METTL16: variants seen among roughly 807,000 people sequenced by gnomAD.
The protein encoded by METTL16 is methyltransferase 16, RNA N6-adenosine, also known as RNA N(6)-adenosine-methyltransferase METTL16.
METTL16 carries 19 observed loss-of-function variants against 57.9 expected under a neutral mutation model. The observed-to-expected ratio is 0.33, with a 90% CI of 0.23 to 0.48. The LOEUF (loss-of-function observed/expected upper bound fraction) is 0.48, where lower values mean the gene tolerates loss of function less well. Ranked by LOEUF, METTL16 falls within the 20% of genes least tolerant of loss-of-function variation. The pLI, the probability that METTL16 is intolerant of heterozygous loss-of-function variation, is 0.99. For synonymous variants in METTL16, 246 were observed against 255.6 expected, an observed-to-expected ratio of 0.96 and a Z score of 0.36; for missense variants, 434 against 691.5, an observed-to-expected ratio of 0.63 and a Z score of 4.18.
chr17:2,495,161 G>A (rs756683392), intron 2 of METTL16, among the ~76,000 whole-genome samples: 33 of 151,676 alleles, frequency 2.2e-4, no homozygotes, highest in Non-Finnish European at 3.7e-4. Context: ...ACCAGATGGG[G>A]TGAAACAACA....
intron 6 of METTL16, among the ~76,000 whole-genome samples, chr17:2,463,611 A>ATGTG (rs1567894727): frequency 1.3e-5 from 2 of 151,694 alleles, no homozygotes; most frequent in Admixed American, 6.6e-5. Flanking sequence ...ACAGGCACCC[A>ATGTG]CCACCACACC....
At chr17:2,476,214 C>A (rs1173055997) in intron 3 of METTL16, among the ~76,000 whole-genome samples, 1 of 152,106 alleles carries the variant, frequency 6.6e-6, no homozygotes, top group African/African-American at 2.4e-5. Flanking sequence ...TTGGACATAG[C>A]AAGTCTGAGA....
chr17:2,463,249 T>C (rs1239972390), intron 6 of METTL16, among the ~76,000 whole-genome samples: 1 of 152,220 alleles, frequency 6.6e-6, no homozygotes, highest in Non-Finnish European at 1.5e-5. Flanking sequence ...TGAACCCATC[T>C]GTTTTCTAAT....
chr17:2,421,129 G>A (rs2066762649), intron 8 of METTL16, among the ~76,000 whole-genome samples: 1 of 152,174 alleles, frequency 6.6e-6, no homozygotes, highest in Non-Finnish European at 1.5e-5. Context: ...CATGGCAGGA[G>A]CATCACTTGA....
chr17:2,441,706 G>A (rs971797441), intron 6 of METTL16, 147 bp from the exon 7 acceptor site: 7 of 453,442 alleles, frequency 1.5e-5, no homozygotes, highest in African/African-American at 1.2e-4. Context: ...TACATACAAT[G>A]TATTTCGACA....
At chr17:2,473,993 C>T (rs548000788) in intron 3 of METTL16, among the ~76,000 whole-genome samples, 1 of 152,204 alleles carries the variant, frequency 6.6e-6, no homozygotes, top group South Asian at 2.1e-4. Context: ...CTACTGGGTT[C>T]CCTAGTCATT....
intron 8 of METTL16, among the ~76,000 whole-genome samples, chr17:2,427,076 G>A (rs1184518326): frequency 2.0e-5 from 3 of 152,066 alleles, no homozygotes; most frequent in Non-Finnish European, 4.4e-5. Context: ...AACCCAGGAG[G>A]CAGGGCCTGC....
At chr17:2,509,943 G>C (rs954727565) in intron 1 of METTL16, among the ~76,000 whole-genome samples, 4 of 151,864 alleles carry the variant, frequency 2.6e-5, no homozygotes, top group Middle Eastern at 3.4e-3. Context: ...TGGGCGTGGT[G>C]GTGGGTGCCT....
intron 4 of METTL16, among the ~76,000 whole-genome samples, chr17:2,470,739 A>T (rs1245570207): frequency 6.6e-6 from 1 of 152,174 alleles, no homozygotes; most frequent in Non-Finnish European, 1.5e-5. Flanking sequence ...TGAACATAGG[A>T]GGTTGAGGCT....
rs1406275188 is a variant in METTL16, at chr17:2,417,022, C to T, written c.*2948G>A. ...AACATCCAAATGCACAGAAGGCACT[C>T]GGCTCCAGACTGAAAGCTGGCCTGC... On this transcript the variant is annotated 3_prime_UTR_variant, in exon 10 of 10. Coordinates refer to ENST00000263092, the MANE Select transcript of METTL16 (RefSeq NM_024086.4). The T allele has an allele frequency of 7.0e-6, 1 of 143,390 alleles. No homozygotes were observed. Among genetic ancestry groups the T allele is most frequent in the Non-Finnish European group, 1.5e-5 (1 of 66,948 alleles). The allele number at this position is 143,390 out of a possible 1,614,324, so 8.9% of individuals were successfully genotyped here. A position where few individuals can be genotyped will look rare whatever the true frequency, so the allele number is the denominator to read the frequency against.
rs140077452 is a variant in METTL16 at position 2,491,652 on chromosome 17, A to G, written c.128+10552T>C. 3.1e-3 allele frequency among the ~76,000 whole-genome samples: 467 copies of G among 150,420 alleles called. 1 individual carries two copies. Among genetic ancestry groups the G allele is most frequent in the Admixed American group, 8.0e-3 (121 of 15,102 alleles). On this transcript the variant is annotated intron_variant, in intron 2 of 9. Transcript: ENST00000263092. ...GCACGTTGGGAGGCCAAGGCGGGTG[A>G]ATCACGAGGTCAGGAGATGGAGACC...
At chr17:2,494,489 CAT>C (rs915805998) in intron 2 of METTL16, among the ~76,000 whole-genome samples, 12 of 152,172 alleles carry the variant, frequency 7.9e-5, no homozygotes, top group African/African-American at 2.9e-4. Flanking sequence ...CTCTATGCCA[CAT>C]GTCAGTAACT....
At chr17:2,487,891 A>C (rs1027563665) in intron 2 of METTL16, among the ~76,000 whole-genome samples, 1 of 152,132 alleles carries the variant, frequency 6.6e-6, no homozygotes, top group African/African-American at 2.4e-5. Context: ...CTATAATCTT[A>C]GCTACTCAGG....
At chr17:2,476,968 A>C (rs1294549749) in intron 3 of METTL16, among the ~76,000 whole-genome samples, 3 of 152,070 alleles carry the variant, frequency 2.0e-5, no homozygotes, top group African/African-American at 7.2e-5. Flanking sequence ...AAAAAAAAAA[A>C]AAATCAGAAT....
At chr17:2,472,489 C>T (rs1225546020) in intron 4 of METTL16, among the ~76,000 whole-genome samples, 1 of 152,154 alleles carries the variant, frequency 6.6e-6, no homozygotes, top group South Asian at 2.1e-4. Context: ...AAGCTGCGCA[C>T]AGATGTTTCT....
chr17:2,480,374 A>C (rs1464996290), intron 2 of METTL16, among the ~76,000 whole-genome samples: 1 of 152,114 alleles, frequency 6.6e-6, no homozygotes, highest in African/African-American at 2.4e-5. Flanking sequence ...ACACTAACTT[A>C]TAGGGAGGAA....
chr17:2,428,609 T>C lies in METTL16; in HGVS notation c.889-7705A>G, dbSNP rs1170463071. On this transcript the variant is annotated intron_variant, in intron 8 of 9. Coordinates refer to ENST00000263092, the MANE Select transcript of METTL16 (RefSeq NM_024086.4). ...TATATATATATATATATATAAATTG[T>C]AATACAGCGGGGCACAGTGGCTCAC... 2.6e-5 allele frequency among the ~76,000 whole-genome samples: 2 copies of C among 77,486 alleles called. 1 individual carries two copies. Among genetic ancestry groups the C allele is most frequent in the East Asian group, 1.0e-3 (2 of 1,982 alleles). 50.8% of individuals were successfully genotyped at this position (77,486 alleles called of 152,430 possible). A position where few individuals can be genotyped will look rare whatever the true frequency, so the allele number is the denominator to read the frequency against.
chr17:2,466,349 A>T (rs2067196404), intron 5 of METTL16, among the ~76,000 whole-genome samples: 1 of 151,978 alleles, frequency 6.6e-6, no homozygotes, highest in African/African-American at 2.4e-5. Context: ...CTCTCTCCTC[A>T]CCCTCCCACC....
At chr17:2,434,204 TTC>T (rs1403101627) in intron 8 of METTL16, among the ~76,000 whole-genome samples, 1 of 152,172 alleles carries the variant, frequency 6.6e-6, no homozygotes, top group Admixed American at 6.5e-5. Flanking sequence ...TTATTCAAAC[TTC>T]TTTTTATTTT....
Sources: gnomAD v4.1 joint callset for allele counts (sites outside exome capture counted in the v4.1 genomes callset) on GRCh38, gnomAD v4.1.1 for gene constraint, MANE v1.5 for transcripts, NCBI Gene and HGNC (gene_info 2026-07-23, HGNC 2026-07-21) for gene names.